The following HPSE2 variants were observed in gnomAD, a reference collection of about 807,000 sequenced individuals.
HPSE2 encodes the protein inactive heparanase-2.
In HPSE2, 38 loss-of-function variants were observed where a neutral mutation model predicts 60.5. That is an observed-to-expected ratio of 0.63 (90% CI 0.48 to 0.82). The LOEUF is 0.82. Among genes scored for constraint, HPSE2 ranks in the 40% least tolerant of loss-of-function variants. The probability of loss-of-function intolerance (pLI) is 0.00; values close to 1 mark genes in which losing one functional copy is unlikely to be tolerated. For synonymous variants in HPSE2, 295 were observed against 293.2 expected, an observed-to-expected ratio of 1.01 and a Z score of -0.06; for missense variants, 713 against 740.4, an observed-to-expected ratio of 0.96 and a Z score of 0.43.
At chr10:98,688,561 C>T (rs150954531) in intron 6 of HPSE2, among the ~76,000 whole-genome samples, 1,853 of 148,712 alleles carry the variant, frequency 0.012, 36 homozygotes, top group African/African-American at 0.043. Context: ...CTGCAACCTC[C>T]GCCTCTCGGG....
intron 3 of HPSE2, among the ~76,000 whole-genome samples, chr10:99,012,410 A>G (rs1238320504): frequency 6.6e-6 from 1 of 152,042 alleles, no homozygotes; most frequent in Admixed American, 6.5e-5. Context: ...TAGATACACA[A>G]TATCATGCTT....
chr10:99,184,860 A>G (rs1847942518), intron 2 of HPSE2, among the ~76,000 whole-genome samples: 1 of 131,240 alleles, frequency 7.6e-6, no homozygotes, highest in Non-Finnish European at 1.7e-5. Context: ...AGAGAGAGAG[A>G]GAGACAGAAA....
intron 4 of HPSE2, among the ~76,000 whole-genome samples, chr10:98,739,115 A>G (rs965633273): frequency 2.6e-5 from 4 of 152,216 alleles, no homozygotes; most frequent in African/African-American, 7.2e-5. Context: ...AATGTGGCAC[A>G]TATACACCAT....
rs553284802 is a variant in HPSE2, at chr10:99,068,561, C to T, written c.610+75677G>A. ...TGCCCCCATGATTCAATTATCTCCA[C>T]CTGGCCCCACATGTGGATTATTACA... On this transcript the variant is annotated intron_variant, in intron 3 of 11. Coordinates refer to ENST00000370552, the MANE Select transcript of HPSE2 (RefSeq NM_021828.5). Among the ~76,000 whole-genome samples the T allele has an allele frequency of 6.3e-4, 96 of 152,298 alleles. 1 individual carries two copies. Among genetic ancestry groups the T allele is most frequent in the Non-Finnish European group, 1.3e-3 (90 of 68,024 alleles).
intron 9 of HPSE2, among the ~76,000 whole-genome samples, chr10:98,530,227 C>G (rs772783119): frequency 1.3e-5 from 2 of 152,186 alleles, no homozygotes; most frequent in Non-Finnish European, 2.9e-5. Flanking sequence ...CTCAAAGGTA[C>G]TAAGCCAGCC....
chr10:98,617,876 A>AAC (rs1945958457), intron 8 of HPSE2, among the ~76,000 whole-genome samples: 1 of 152,192 alleles, frequency 6.6e-6, no homozygotes, highest in Non-Finnish European at 1.5e-5. Flanking sequence ...TCTACTTTTG[A>AAC]ACACTCGGTA....
At chr10:98,621,939 T>G (rs1391792936) in intron 7 of HPSE2, among the ~76,000 whole-genome samples, 2 of 152,318 alleles carry the variant, frequency 1.3e-5, no homozygotes, top group South Asian at 2.1e-4. Context: ...ATGCCAGCTA[T>G]GCACTAATGA....
chr10:98,749,947 T>TATATATATATATATAC, intron 3 of HPSE2, among the ~76,000 whole-genome samples: 18,753 of 98,192 alleles, frequency 0.19, 2,236 homozygotes, highest in South Asian at 0.3. Flanking sequence ...TATATATATA[T>TATATATATATATATAC]ACACACACAC....
intron 2 of HPSE2, among the ~76,000 whole-genome samples, chr10:99,218,836 C>T (rs191462889): frequency 6.6e-6 from 1 of 152,328 alleles, no homozygotes; most frequent in Admixed American, 6.5e-5. Context: ...TTTGAATCTA[C>T]ATCTCACAGG....
At chr10:98,945,323 T>C (rs934785712) in intron 3 of HPSE2, among the ~76,000 whole-genome samples, 6 of 152,134 alleles carry the variant, frequency 3.9e-5, no homozygotes, top group African/African-American at 1.2e-4. Flanking sequence ...AAGCACTCTA[T>C]TATTAGGTTA....
chr10:98,907,704 T>C (rs1034875514), intron 3 of HPSE2, among the ~76,000 whole-genome samples: 51 of 152,130 alleles, frequency 3.4e-4, no homozygotes, highest in African/African-American at 1.2e-3. Context: ...GCATTTGTGG[T>C]CTTGGATTAA....
intron 9 of HPSE2, among the ~76,000 whole-genome samples, chr10:98,539,293 G>C (rs746269937): frequency 5.3e-5 from 8 of 152,118 alleles, no homozygotes; most frequent in Non-Finnish European, 8.8e-5. Context: ...AGGCTGAGGC[G>C]GGTGGATCAC....
intron 4 of HPSE2, among the ~76,000 whole-genome samples, chr10:98,725,166 A>G (rs1438691519): frequency 1.3e-5 from 2 of 152,192 alleles, no homozygotes; most frequent in Admixed American, 6.5e-5. Flanking sequence ...ACCAAAAAAG[A>G]GCCCACATTG....
intron 9 of HPSE2, among the ~76,000 whole-genome samples, chr10:98,564,988 C>T (rs1944298958): frequency 6.6e-6 from 1 of 152,040 alleles, no homozygotes; most frequent in Admixed American, 6.6e-5. Context: ...GTCATTTGTC[C>T]TGTTCTGAGT....
intron 3 of HPSE2, among the ~76,000 whole-genome samples, chr10:99,095,299 G>A (rs949030278): frequency 6.6e-6 from 1 of 152,108 alleles, no homozygotes; most frequent in African/African-American, 2.4e-5. Flanking sequence ...GGTAAAGTTA[G>A]TTTCATCTCA....
chr10:98,798,755 C>A (rs1182070266), intron 3 of HPSE2, among the ~76,000 whole-genome samples: 13 of 151,872 alleles, frequency 8.6e-5, no homozygotes. Context: ...ATAAAATGAG[C>A]TATTAAATTG....
chr10:98,591,308 T>C (rs1304305810), intron 9 of HPSE2, among the ~76,000 whole-genome samples: 1 of 152,142 alleles, frequency 6.6e-6, no homozygotes, highest in Non-Finnish European at 1.5e-5. Flanking sequence ...ATGTAAAAGG[T>C]CATTAATATC....
chr10:98,808,376 T>C (rs1204623423), intron 3 of HPSE2, among the ~76,000 whole-genome samples: 2 of 152,174 alleles, frequency 1.3e-5, no homozygotes, highest in Non-Finnish European at 2.9e-5. Flanking sequence ...TTATTTGTTC[T>C]GCTCTTATCC....
At chr10:98,727,156 C>G (rs1341213645) in intron 4 of HPSE2, among the ~76,000 whole-genome samples, 1 of 151,922 alleles carries the variant, frequency 6.6e-6, no homozygotes, top group Admixed American at 6.6e-5. Context: ...TAGAGTTAGT[C>G]CAAGACCTAT....
Sources: gnomAD v4.1 joint callset for allele counts (sites outside exome capture counted in the v4.1 genomes callset) on GRCh38, gnomAD v4.1.1 for gene constraint, MANE v1.5 for transcripts, NCBI Gene and HGNC (gene_info 2026-07-23, HGNC 2026-07-21) for gene names.